SOX5: variants seen among roughly 807,000 people sequenced by gnomAD.
The protein encoded by SOX5 is transcription factor SOX-5.
SOX5 carries 9 observed loss-of-function variants against 92.0 expected under a neutral mutation model. That is an observed-to-expected ratio of 0.10 (90% CI 0.06 to 0.17). SOX5 has a LOEUF of 0.17. SOX5 is among the 10% of genes least tolerant of loss of function. The probability of loss-of-function intolerance (pLI) is 1.00; values close to 1 mark genes in which losing one functional copy is unlikely to be tolerated. For synonymous variants in SOX5, 344 were observed against 336.3 expected (o/e 1.02, Z -0.25); for missense variants, 642 against 944.5 (o/e 0.68, Z 4.20).
chr12:23,721,932 G>A (rs575958155), intron 6 of SOX5, among the ~76,000 whole-genome samples: 2 of 152,296 alleles, frequency 1.3e-5, no homozygotes, highest in African/African-American at 2.4e-5. Flanking sequence ...TTATGTATGG[G>A]TTATCGAACT....
At chr12:24,023,948 A>G (rs1038779901) in intron 4 of SOX5, among the ~76,000 whole-genome samples, 11 of 152,028 alleles carry the variant, frequency 7.2e-5, no homozygotes, top group African/African-American at 2.7e-4. Context: ...ATAAAAGTCA[A>G]TTATCTTTAC....
At chr12:23,689,817 G>T (rs564353187) in intron 6 of SOX5, among the ~76,000 whole-genome samples, 1 of 152,070 alleles carries the variant, frequency 6.6e-6, no homozygotes, top group Non-Finnish European at 1.5e-5. Context: ...CCTAGAGTCC[G>T]GTGAATAAAT....
At chr12:23,888,270 T>C (rs1298327328) in intron 2 of SOX5, among the ~76,000 whole-genome samples, 1 of 152,158 alleles carries the variant, frequency 6.6e-6, no homozygotes, top group Non-Finnish European at 1.5e-5. Context: ...ACCAAATCTT[T>C]TCAGGCTAAC....
chr12:23,944,899 G>T lies in SOX5; in HGVS notation c.38+4665C>A, dbSNP rs150759770. ...GAACTATACGTGAGTTAGTACAAGA[G>T]AAAAACTTAGGTTAGTTTCTTTCCC... On this transcript the variant is annotated intron_variant, in intron 1 of 14. Transcript: ENST00000451604. Among the ~76,000 whole-genome samples the T allele has an allele frequency of 2.7e-4, 41 of 152,218 alleles. No individual in the cohort carries two copies. The East Asian group carries it at 6.4e-3, about 24-fold the overall frequency.
intron 4 of SOX5, among the ~76,000 whole-genome samples, chr12:24,175,243 C>A (rs141471054): frequency 6.6e-6 from 1 of 152,342 alleles, no homozygotes; most frequent in South Asian, 2.1e-4. Flanking sequence ...AATTTTCCAG[C>A]AGTTTTGCAC....
At chr12:23,865,534 G>C (rs954081541) in intron 2 of SOX5, among the ~76,000 whole-genome samples, 1 of 152,036 alleles carries the variant, frequency 6.6e-6, no homozygotes, top group Non-Finnish European at 1.5e-5. Flanking sequence ...AATTAGCTGG[G>C]CTTGGTGGCA....
intron 4 of SOX5, among the ~76,000 whole-genome samples, chr12:23,982,966 G>A (rs1949718116): frequency 6.6e-6 from 1 of 152,024 alleles, no homozygotes; most frequent in African/African-American, 2.4e-5. Flanking sequence ...AGTGTAGTAG[G>A]TGTGTCATTC....
chr12:24,084,335 A>G (rs1431216893), intron 4 of SOX5, among the ~76,000 whole-genome samples: 3 of 152,024 alleles, frequency 2.0e-5, no homozygotes, highest in African/African-American at 7.2e-5. Context: ...TAGAGATGGG[A>G]TTCTGACTTA....
At chr12:23,781,845 G>T (rs950036313) in intron 3 of SOX5, among the ~76,000 whole-genome samples, 1 of 151,988 alleles carries the variant, frequency 6.6e-6, no homozygotes, top group African/African-American at 2.4e-5. Context: ...TAAATTAAAG[G>T]CCAAATACAG....
At chr12:23,851,444 A>T (rs375717321) in intron 2 of SOX5, among the ~76,000 whole-genome samples, 2 of 152,170 alleles carry the variant, frequency 1.3e-5, no homozygotes, top group African/African-American at 2.4e-5. Context: ...AGTTTAAAAA[A>T]CTCGATAGAA....
chr12:24,208,714 C>T (rs1419872584), intron 4 of SOX5, among the ~76,000 whole-genome samples: 1 of 152,162 alleles, frequency 6.6e-6, no homozygotes, highest in Non-Finnish European at 1.5e-5. Context: ...TCAACACATG[C>T]TATTAGAAAG....
chr12:24,317,254 A>G (rs923536489), intron 2 of SOX5, among the ~76,000 whole-genome samples: 2 of 152,254 alleles, frequency 1.3e-5, no homozygotes, highest in African/African-American at 2.4e-5. Flanking sequence ...CTTGCATTGG[A>G]TGAAAAGATT....
intron 10 of SOX5, among the ~76,000 whole-genome samples, chr12:23,572,836 G>T (rs1158479070): frequency 6.6e-6 from 1 of 151,610 alleles, no homozygotes; most frequent in East Asian, 1.9e-4. Context: ...AAGCACACAT[G>T]TGTCTGAAAC....
intron 1 of SOX5, among the ~76,000 whole-genome samples, chr12:24,377,943 T>C (rs1390593943): frequency 6.6e-6 from 1 of 152,202 alleles, no homozygotes; most frequent in African/African-American, 2.4e-5. Context: ...AAGGAGAGCA[T>C]AAAAGGCATG....
At chr12:23,949,892 C>G (rs574614386), upstream of SOX5, among the ~76,000 whole-genome samples, 24 of 151,346 alleles carry the variant, frequency 1.6e-4, no homozygotes, top group East Asian at 5.9e-4. Context: ...GCTGCTCCCC[C>G]CTCCGCGGAG....
At chr12:23,566,765 A>C (rs1314017629) in intron 10 of SOX5, among the ~76,000 whole-genome samples, 2 of 152,252 alleles carry the variant, frequency 1.3e-5, no homozygotes, top group Non-Finnish European at 2.9e-5. Context: ...TTATCATAAT[A>C]AATGGTCAAT....
At chr12:24,118,769 A>G (rs1194472049) in intron 4 of SOX5, among the ~76,000 whole-genome samples, 1 of 152,148 alleles carries the variant, frequency 6.6e-6, no homozygotes, top group Non-Finnish European at 1.5e-5. Flanking sequence ...GAAGAATAAC[A>G]TAACAGGAGG....
intron 2 of SOX5, among the ~76,000 whole-genome samples, chr12:23,887,367 T>C (rs4430597): frequency 0.69 from 104,948 of 152,118 alleles, 36,310 homozygotes; most frequent in East Asian, 0.89. Flanking sequence ...AAGCAAAGGA[T>C]GAAAATAATC....
intron 3 of SOX5, among the ~76,000 whole-genome samples, chr12:24,246,805 T>C (rs144669753): frequency 7.0e-4 from 107 of 152,270 alleles, no homozygotes; most frequent in Non-Finnish European, 1.3e-3. Flanking sequence ...TTATTTATTA[T>C]TGGATACCCT....
Sources: allele counts gnomAD v4.1 joint callset (sites outside exome capture counted in the v4.1 genomes callset), GRCh38; gene constraint gnomAD v4.1.1; transcripts MANE v1.5; gene names NCBI Gene and HGNC (gene_info 2026-07-23, HGNC 2026-07-21).